KCTD10: variants seen among roughly 807,000 people sequenced by gnomAD.
KCTD10 encodes the protein BTB/POZ domain-containing adapter for CUL3-mediated RhoA degradation protein 3.
In KCTD10, 13 loss-of-function variants were observed where a neutral mutation model predicts 34.6. That is an observed-to-expected ratio of 0.38 (90% confidence interval 0.24 to 0.60). The LOEUF is 0.60. Ranked by LOEUF, KCTD10 falls within the 20% of genes least tolerant of loss-of-function variation. KCTD10 has a pLI of 0.66. For synonymous variants in KCTD10, 156 were observed against 168.8 expected (o/e 0.92, Z 0.59); for missense variants, 256 against 420.3 (o/e 0.61, Z 3.42).
chr12:109,449,013 C>CAAAA lies in KCTD10; in HGVS notation c.*2578_*2581dup, dbSNP rs999647344. ...AGATGGCTTATTTGAAACAAACAAACAAAAAAAACCCTTGATTACGACACA... is the reference window on the plus strand; with the variant it reads ...AGATGGCTTATTTGAAACAAACAAACAAAAAAAAAAAACCCTTGATTACGACACA... On this transcript the variant is annotated 3_prime_UTR_variant, in exon 7 of 7. Coordinates refer to ENST00000228495, the MANE Select transcript of KCTD10 (RefSeq NM_031954.5). 2 of 149,644 alleles carry CAAAA rather than the reference C, an allele frequency of 1.3e-5. No individual in the cohort carries two copies. Among genetic ancestry groups the CAAAA allele is most frequent in the African/African-American group, 5.1e-5 (2 of 39,320 alleles). 9.3% of individuals were successfully genotyped at this position (149,644 alleles called of 1,614,324 possible).
Position 109,449,772 on chromosome 12 carries a change from C to T in KCTD10, c.*1823G>A, listed in dbSNP as rs772353614. On this transcript the variant is annotated 3_prime_UTR_variant, in exon 7 of 7. Transcript: ENST00000228495. ...CTTTTCCATTTTCCTGGCCAACATT[C>T]ACTTCGACTTTCTAAAAAAGCTCAA... 1 of 151,588 alleles carries T rather than the reference C, an allele frequency of 6.6e-6. No homozygotes were observed. Among genetic ancestry groups the T allele is most frequent in the Non-Finnish European group, 1.5e-5 (1 of 67,960 alleles). The allele number at this position is 151,588 out of a possible 1,614,324, so 9.4% of individuals were successfully genotyped here. A position where few individuals can be genotyped will look rare whatever the true frequency, so the allele number is the denominator to read the frequency against.
At chr12:109,461,827 C>A (rs1024941264) in intron 2 of KCTD10, among the ~76,000 whole-genome samples, 1 of 152,218 alleles carries the variant, frequency 6.6e-6, no homozygotes, top group Non-Finnish European at 1.5e-5. Flanking sequence ...AGGCAAGGGG[C>A]GTCCCCACGG....
rs772363564 is a variant in KCTD10 at position 109,451,850 on chromosome 12, G to C, written c.724-37C>G. The C allele has an allele frequency of 6.4e-7, 1 of 1,551,068 alleles. No individual in the cohort carries two copies. The highest frequency in any genetic ancestry group is 1.2e-5 in the South Asian group (1 of 83,162). On this transcript the variant is annotated intron_variant, in intron 6 of 6. Transcript: ENST00000228495. This position sits in a 1 kb window ranked among gnomAD's most constrained non-coding sequence, Gnocchi z 5.0. ...CAGTATACAGGGCAGGTAAGTTATGGCCCACCCCCTCTGCCAACACCTGGA... is the reference window on the plus strand; with the variant it reads ...CAGTATACAGGGCAGGTAAGTTATGCCCCACCCCCTCTGCCAACACCTGGA...
intron 1 of KCTD10, among the ~76,000 whole-genome samples, chr12:109,472,176 T>C (rs1873922057): frequency 6.6e-6 from 1 of 151,480 alleles, no homozygotes; most frequent in African/African-American, 2.4e-5. Flanking sequence ...AACTTTTTAA[T>C]TTTTTTTTAA....
At chr12:109,476,513 A>C (rs576643870) in intron 1 of KCTD10, among the ~76,000 whole-genome samples, 2 of 152,242 alleles carry the variant, frequency 1.3e-5, no homozygotes, top group African/African-American at 4.8e-5. Context: ...TGAGAGACAG[A>C]TCTTGAAACA....
intron 3 of KCTD10, chr12:109,458,921 G>A (rs548708772): frequency 6.6e-6 from 1 of 152,366 alleles, no homozygotes; most frequent in African/African-American, 2.4e-5. Context: ...TGGACAACAA[G>A]GACCTTCCAT....
chr12:109,468,806 C>T (rs961187499), intron 2 of KCTD10, among the ~76,000 whole-genome samples: 32 of 152,026 alleles, frequency 2.1e-4, no homozygotes, highest in African/African-American at 4.8e-5. Context: ...GCACCCACCA[C>T]CACGCCCGGC....
At position 109,450,217 on chromosome 12, in the gene KCTD10, T is replaced by C. The variant is rs1338450905; in HGVS notation, c.*1378A>G. 1 of 398,538 alleles carries C rather than the reference T, an allele frequency of 2.5e-6. No individual in the cohort carries two copies. The highest frequency in any genetic ancestry group is 4.4e-6 in the Non-Finnish European group (1 of 226,078). 24.7% of individuals were successfully genotyped at this position (398,538 alleles called of 1,614,324 possible). A position where few individuals can be genotyped will look rare whatever the true frequency, so the allele number is the denominator to read the frequency against. On this transcript the variant is annotated 3_prime_UTR_variant, in exon 7 of 7. Transcript: ENST00000228495. ...CATTCACATCTCCTGGTAACTACTC[T>C]ACCTAGTCTAGTCTCAACCACCCCT...
At chr12:109,462,203 G>T (rs955100224) in intron 2 of KCTD10, among the ~76,000 whole-genome samples, 8 of 152,316 alleles carry the variant, frequency 5.3e-5, no homozygotes, top group African/African-American at 1.9e-4. Flanking sequence ...GCATAGTTTG[G>T]TATTCTTTGC....
chr12:109,448,837 T>C lies in KCTD10; in HGVS notation c.*2758A>G, dbSNP rs1276556034. On this transcript the variant is annotated 3_prime_UTR_variant, in exon 7 of 7. Coordinates refer to ENST00000228495, the MANE Select transcript of KCTD10 (RefSeq NM_031954.5). ...CACACGCTCCAGAGGGCGGGCTGAGTGTTGTTCACACTTGGGTCCTGAATC... is the reference window on the plus strand; with the variant it reads ...CACACGCTCCAGAGGGCGGGCTGAGCGTTGTTCACACTTGGGTCCTGAATC... 1 of 152,050 alleles carries C rather than the reference T, an allele frequency of 6.6e-6. No individual in the cohort carries two copies. Among genetic ancestry groups the C allele is most frequent in the African/African-American group, 2.4e-5 (1 of 41,414 alleles). 9.4% of individuals were successfully genotyped at this position (152,050 alleles called of 1,614,324 possible). A position where few individuals can be genotyped will look rare whatever the true frequency, so the allele number is the denominator to read the frequency against.
chr12:109,475,862 A>G (rs1435840389), intron 1 of KCTD10, among the ~76,000 whole-genome samples: 2 of 147,426 alleles, frequency 1.4e-5, no homozygotes, highest in African/African-American at 5.2e-5. Flanking sequence ...AAATTTGCTT[A>G]TAAGACAGCT....
chr12:109,459,217 T>C (rs761992929), intron 3 of KCTD10: 1 of 152,126 alleles, frequency 6.6e-6, no homozygotes, highest in Non-Finnish European at 1.5e-5. Flanking sequence ...ATGAAAATTT[T>C]GATAGAAGGG....
chr12:109,476,212 T>C (rs1874241314), intron 1 of KCTD10, among the ~76,000 whole-genome samples: 1 of 152,222 alleles, frequency 6.6e-6, no homozygotes, highest in Admixed American at 6.5e-5. Context: ...TTGCTGCTGG[T>C]GGGACCAGAG....
intron 2 of KCTD10, among the ~76,000 whole-genome samples, chr12:109,466,986 C>T (rs925252814): frequency 2.6e-5 from 4 of 152,224 alleles, no homozygotes; most frequent in Non-Finnish European, 1.5e-5. Flanking sequence ...CTCCAAGGAC[C>T]GACAGGATCG....
intron 5 of KCTD10, 176 bp from the exon 6 acceptor site, chr12:109,456,489 G>A (rs914692746): frequency 4.7e-6 from 3 of 642,096 alleles, no homozygotes; most frequent in Non-Finnish European, 8.3e-6. Flanking sequence ...GGAAAGTGAG[G>A]ATCAGAGAAA....
intron 2 of KCTD10, among the ~76,000 whole-genome samples, chr12:109,467,843 G>A (rs2135673847): frequency 6.6e-6 from 1 of 152,202 alleles, no homozygotes; most frequent in African/African-American, 2.4e-5. Context: ...CCACTCGTAT[G>A]CTCTGTCCAG....
At position 109,449,785 on chromosome 12, in the gene KCTD10, T is replaced by TA. The variant is rs1350860745; in HGVS notation, c.*1809dup. 1.3e-5 allele frequency: 2 copies of TA among 149,766 alleles called. No homozygotes were observed. Among genetic ancestry groups the TA allele is most frequent in the Non-Finnish European group, 3.0e-5 (2 of 67,526 alleles). The allele number at this position is 149,766 out of a possible 1,614,324, so 9.3% of individuals were successfully genotyped here. The stretch of plus-strand genomic sequence containing the variant: ...CTGGCCAACATTCACTTCGACTTTC[T>TA]AAAAAAGCTCAACCCAAAAGAAAGA... On this transcript the variant is annotated 3_prime_UTR_variant, in exon 7 of 7. Transcript: ENST00000228495.
chr12:109,462,811 AAC>A (rs2135662221), intron 2 of KCTD10, among the ~76,000 whole-genome samples: 1 of 152,326 alleles, frequency 6.6e-6, no homozygotes, highest in South Asian at 2.1e-4. Flanking sequence ...ATTAAAACAA[AAC>A]AAAACTGTCA....
chr12:109,477,064 A>G (rs997031265), intron 1 of KCTD10, among the ~76,000 whole-genome samples, 196 bp downstream of exon 1: 1 of 119,708 alleles, frequency 8.4e-6, no homozygotes, highest in African/African-American at 3.1e-5. Context: ...CCCTACCACC[A>G]CCCCCGCCCC....
Sources: gnomAD v4.1 joint callset for allele counts (sites outside exome capture counted in the v4.1 genomes callset) on GRCh38, gnomAD v4.1.1 for gene constraint, Gnocchi (gnomAD v3.1) non-coding constraint, MANE v1.5 for transcripts, NCBI Gene and HGNC (gene_info 2026-07-23, HGNC 2026-07-21) for gene names.